The following COL6A1 variants were observed in gnomAD, a reference collection of about 807,000 sequenced individuals.
COL6A1 encodes collagen alpha-1(VI) chain.
COL6A1 carries 80 observed loss-of-function variants against 145.6 expected under a neutral mutation model. The ratio of observed to expected loss-of-function variants is 0.55; its 90% confidence interval spans 0.46 to 0.66. The LOEUF (loss-of-function observed/expected upper bound fraction) is 0.66. Among genes scored for constraint, COL6A1 ranks in the 30% least tolerant of loss-of-function variants. COL6A1 has a pLI of 0.00. For missense variants in COL6A1, 1,364 were observed against 1,473.8 expected (o/e 0.93, Z 1.22); for synonymous variants, 638 against 622.8 (o/e 1.02, Z -0.36).
At position 46,003,902 on chromosome 21, in the gene COL6A1, C is replaced by T. The variant is rs1236697611; in HGVS notation, c.2976C>T (p.Ala992=). 4.4e-6 allele frequency: 7 copies of T among 1,602,886 alleles called. No individual in the cohort carries two copies. Among genetic ancestry groups the T allele is most frequent in the African/African-American group, 1.3e-5 (1 of 74,770 alleles). ...HIRVLVTGKT[A]EYDVAYGESH... ...GCGTCCTGGTCACCGGCAAGACGGC[C>T]GAGTACGACGTGGCCTACGGCGAGA... Residue 992 remains alanine (A), a synonymous_variant, in exon 35 of 35, where the codon GCC becomes GCT. Coordinates refer to ENST00000361866, the MANE Select transcript of COL6A1 (RefSeq NM_001848.3).
chr21:45,995,237 G>A (rs992268499), intron 20 of COL6A1, among the ~76,000 whole-genome samples: 2 of 152,256 alleles, frequency 1.3e-5, no homozygotes, highest in African/African-American at 2.4e-5. Flanking sequence ...TCACGGCAGG[G>A]GCAGAAAGGG....
At chr21:46,000,628 C>T (rs1164635989) in intron 28 of COL6A1, 131 bp from the exon 29 acceptor site, 9 of 1,393,718 alleles carry the variant, frequency 6.5e-6, no homozygotes, top group African/African-American at 1.4e-5. Flanking sequence ...GGCAGGAGGC[C>T]GGGGAAGGGG....
chr21:46,001,614 C>T (rs1362696574), intron 30 of COL6A1, among the ~76,000 whole-genome samples: 1 of 152,250 alleles, frequency 6.6e-6, no homozygotes, highest in Non-Finnish European at 1.5e-5. Flanking sequence ...GGGTCTCCCC[C>T]TCTCCTTGAA....
At chr21:45,990,334 T>C in intron 12 of COL6A1, 44 bp from the exon 13 acceptor site, 1 of 1,612,532 alleles carries the variant, frequency 6.2e-7, no homozygotes, top group Non-Finnish European at 8.5e-7. Context: ...CGGCAGCATG[T>C]CTGACCTGCA....
chr21:45,997,946 C>T (rs929794858), intron 22 of COL6A1, among the ~76,000 whole-genome samples, 175 bp from the exon 23 acceptor site: 3 of 152,120 alleles, frequency 2.0e-5, no homozygotes, highest in Admixed American at 6.5e-5. Flanking sequence ...GCCCCTCCTG[C>T]CCCGAGATCC....
In COL6A1 at chr21:46,002,254, C is replaced by T; in HGVS notation, c.2103C>T (p.Thr701=). ...IKSLQWMAGG[T]FTGEALQYTR... is the part of the protein sequence containing the mutation. ...GCCTGCAGTGGATGGCGGGCGGCAC[C>T]TTCACGGGGGAGGCCCTGCAGTACA... is the stretch of plus-strand genomic sequence containing the variant. Residue 701 remains threonine, a synonymous_variant, in exon 32 of 35, where the codon ACC becomes ACT. Transcript: ENST00000361866. 6.2e-7 allele frequency: 1 copy of T among 1,602,864 alleles called. No homozygotes were observed. The highest frequency in any genetic ancestry group is 2.2e-5 in the East Asian group (1 of 44,478).
In COL6A1 at chr21:45,994,782, G is replaced by T. The variant is rs959432616; in HGVS notation, c.1398+553G>T. 6.6e-6 allele frequency among the ~76,000 whole-genome samples: 1 copy of T among 152,226 alleles called. No individual in the cohort carries two copies. The highest frequency in any genetic ancestry group is 2.4e-5 in the African/African-American group (1 of 41,458). ...CCCCCATTCTGATGACTGCCATGAT[G>T]GTGGCTCCAGTGTGGTGTTGCCCGC... On this transcript the variant is annotated intron_variant, in intron 20 of 34. Transcript: ENST00000361866. The surrounding 1 kb of genome is among the most constrained non-coding windows in gnomAD (Gnocchi z 6.8).
chr21:46,002,494 G>T, intron 32 of COL6A1, 33 bp from the exon 33 acceptor site: 1 of 1,613,676 alleles, frequency 6.2e-7, no homozygotes, highest in South Asian at 1.1e-5. Context: ...GGCAGAGCAG[G>T]CTGCGCCACA....
chr21:45,985,127 CAGAG>C (rs1232682420), intron 3 of COL6A1, among the ~76,000 whole-genome samples: 5 of 146,544 alleles, frequency 3.4e-5, no homozygotes, highest in African/African-American at 1.0e-4. Context: ...GACAGGCAGA[CAGAG>C]AGACAGAGAC....
At position 45,989,662 on chromosome 21, in the gene COL6A1, C is replaced by T; in HGVS notation, c.903+10C>T. On this transcript the variant is annotated intron_variant, in intron 10 of 34. Transcript: ENST00000361866. ...GTACCAGGGAATGAAGGTACGTGCCCCCCCTTTCCTGGCCCGAGCCCGGTG... is the reference window on the plus strand; with the variant it reads ...GTACCAGGGAATGAAGGTACGTGCCTCCCCTTTCCTGGCCCGAGCCCGGTG... 1.2e-6 allele frequency: 2 copies of T among 1,613,160 alleles called. No homozygotes were observed. Among genetic ancestry groups the T allele is most frequent in the Non-Finnish European group, 1.7e-6 (2 of 1,179,982 alleles).
Position 45,997,490 on chromosome 21 carries a change from C to T in COL6A1, c.1461+7C>T, listed in dbSNP as rs994516309. 4.4e-6 allele frequency: 7 copies of T among 1,597,316 alleles called. No individual in the cohort carries two copies. The African/African-American group carries it at 1.0e-4, about 23-fold the overall frequency. On this transcript the variant is annotated splice_region_variant and intron_variant, in intron 21 of 34. Transcript: ENST00000361866. ...GGGTCCCCCAGGGTCCGAGGTGAGTCCCACTCCCCACCCACACCCGCCCAC... is the reference window on the plus strand; with the variant it reads ...GGGTCCCCCAGGGTCCGAGGTGAGTTCCACTCCCCACCCACACCCGCCCAC...
intron 23 of COL6A1, 49 bp from the exon 24 acceptor site, chr21:45,998,349 C>G: frequency 3.7e-6 from 6 of 1,611,818 alleles, no homozygotes; most frequent in Non-Finnish European, 5.1e-6. Context: ...CTCACAGCCT[C>G]CCCTCTCAAA....
chr21:45,981,980 C>A (rs1035675598), intron 1 of COL6A1, 33 bp downstream of exon 1: 6 of 1,530,530 alleles, frequency 3.9e-6, no homozygotes, highest in Admixed American at 1.8e-5. Flanking sequence ...GGCTCCAGAC[C>A]CCCCGCTCTT....
At chr21:45,988,524 G>A (rs907029074) in intron 8 of COL6A1, among the ~76,000 whole-genome samples, 4 of 152,058 alleles carry the variant, frequency 2.6e-5, no homozygotes, top group Admixed American at 2.6e-4. Flanking sequence ...CGTGCAGGGT[G>A]TGGACTGTCC....
chr21:45,991,925 T>C, intron 15 of COL6A1, 85 bp from the exon 16 acceptor site: 1 of 1,355,354 alleles, frequency 7.4e-7, no homozygotes, highest in Non-Finnish European at 1.0e-6. Context: ...GAAGTATGGG[T>C]GAGAGGCCCT....
Position 45,991,055 on chromosome 21 carries a change from G to A in COL6A1, c.1119+14G>A, listed in dbSNP as rs374805937. 62 of 1,613,092 alleles carry A rather than the reference G, an allele frequency of 3.8e-5. 1 individual carries two copies. The highest frequency in any genetic ancestry group is 2.3e-4 in the South Asian group (21 of 91,080). On this transcript the variant is annotated intron_variant, in intron 15 of 34. Coordinates refer to ENST00000361866, the MANE Select transcript of COL6A1 (RefSeq NM_001848.3). Reference sequence around the variant, plus strand: ...AAAGGAGAAAAGGTGAGTGACTTGCGGCCCCTGGAGGACCAGGGCCTTCAC... The same window carrying A: ...AAAGGAGAAAAGGTGAGTGACTTGCAGCCCCTGGAGGACCAGGGCCTTCAC...
intron 11 of COL6A1, among the ~76,000 whole-genome samples, 170 bp downstream of exon 11, chr21:45,989,948 C>T (rs1310403463): frequency 6.6e-6 from 1 of 152,186 alleles, no homozygotes; most frequent in Non-Finnish European, 1.5e-5. Flanking sequence ...AGGACAGCCA[C>T]CCAGGCACCC....
In COL6A1 at chr21:45,997,310, A is replaced by G. The variant is rs9979532; in HGVS notation, c.1399-111A>G. 0.13 allele frequency: 128,691 copies of G among 1,009,934 alleles called. 9,170 individuals carry two copies. Among genetic ancestry groups the G allele is most frequent in the East Asian group, 0.27 (11,076 of 41,168 alleles). 62.6% of individuals were successfully genotyped at this position (1,009,934 alleles called of 1,614,324 possible). A position where few individuals can be genotyped will look rare whatever the true frequency, so the allele number is the denominator to read the frequency against. ...CCCCTGCACTGATGGGACTGGGGCCAGAGCCTGGGGGCCCTGATGCCTCTT... is the reference window on the plus strand; with the variant it reads ...CCCCTGCACTGATGGGACTGGGGCCGGAGCCTGGGGGCCCTGATGCCTCTT... On this transcript the variant is annotated intron_variant, in intron 20 of 34. Coordinates refer to ENST00000361866, the MANE Select transcript of COL6A1 (RefSeq NM_001848.3).
Position 45,984,386 on chromosome 21 carries a change from C to T in COL6A1, c.345C>T (p.Ser115=). 1 of 1,612,758 alleles carries T rather than the reference C, an allele frequency of 6.2e-7. No homozygotes were observed. The highest frequency in any genetic ancestry group is 1.3e-5 in the African/African-American group (1 of 75,078). Residue 115 remains serine (S), a synonymous_variant, in exon 3 of 35, where the codon AGC becomes AGT. Transcript: ENST00000361866. ...CTGGCGGCCGCGACGCACTCAAAAG[C>T]AGCGTGGACGCGGTCAAGTACTTTG... ...RMPGGRDALK[S]SVDAVKYFGK... is the part of the protein sequence containing the mutation.
Sources: allele counts gnomAD v4.1 joint callset (sites outside exome capture counted in the v4.1 genomes callset), GRCh38; gene constraint gnomAD v4.1.1; non-coding constraint Gnocchi (gnomAD v3.1); transcripts MANE v1.5; gene names NCBI Gene and HGNC (gene_info 2026-07-23, HGNC 2026-07-21).